Variants in RGS9 observed in about 807,000 individuals in gnomAD.
The protein encoded by RGS9 is regulator of G protein signaling 9.
RGS9 carries 78 observed loss-of-function variants against 102.0 expected under a neutral mutation model. The ratio of observed to expected loss-of-function variants is 0.76; its 90% CI spans 0.64 to 0.92. The LOEUF is 0.92. Ranked by LOEUF, RGS9 falls within the 40% of genes least tolerant of loss-of-function variation. RGS9 has a pLI of 0.00. For synonymous variants in RGS9, 353 were observed against 318.6 expected (o/e 1.11, Z -1.15); for missense variants, 833 against 866.1 (o/e 0.96, Z 0.48).
chr17:65,213,281 T>C (rs2144114417), intron 17 of RGS9, among the ~76,000 whole-genome samples: 1 of 152,308 alleles, frequency 6.6e-6, no homozygotes, highest in East Asian at 1.9e-4. Context: ...AAAATGTACA[T>C]GAATTTTTAA....
At chr17:65,166,684 G>A (rs1051366239) in intron 7 of RGS9, among the ~76,000 whole-genome samples, 4 of 152,188 alleles carry the variant, frequency 2.6e-5, no homozygotes, top group African/African-American at 7.2e-5. Flanking sequence ...GAGCAAAGCC[G>A]GAAAGGACCC....
intron 11 of RGS9, 59 bp downstream of exon 11, chr17:65,190,295 A>T: frequency 1.5e-6 from 2 of 1,319,632 alleles, no homozygotes; most frequent in Non-Finnish European, 2.2e-6. Context: ...CAAGAGGAGA[A>T]CTTCTGCAAA....
intron 1 of RGS9, among the ~76,000 whole-genome samples, chr17:65,147,054 C>A (rs953390319): frequency 1.3e-5 from 2 of 152,184 alleles, no homozygotes; most frequent in African/African-American, 4.8e-5. Flanking sequence ...CAGTGCCCCG[C>A]AAACACCCTC....
At chr17:65,143,149 T>G (rs1910221839) in intron 1 of RGS9, among the ~76,000 whole-genome samples, 1 of 152,014 alleles carries the variant, frequency 6.6e-6, no homozygotes, top group Admixed American at 6.6e-5. Context: ...TCTAAATACA[T>G]TTTAGGTTGT....
At chr17:65,137,983 G>A (rs1481448816) in intron 1 of RGS9, among the ~76,000 whole-genome samples, 3 of 152,002 alleles carry the variant, frequency 2.0e-5, no homozygotes, top group African/African-American at 7.2e-5. Context: ...ATTTTAAAGT[G>A]TGTGTGTGTG....
chr17:65,167,548 A>G (rs887181789), intron 7 of RGS9, among the ~76,000 whole-genome samples: 1 of 152,146 alleles, frequency 6.6e-6, no homozygotes, highest in Non-Finnish European at 1.5e-5. Context: ...AAAAGCCCCG[A>G]CGTGGCATGA....
intron 17 of RGS9, chr17:65,210,810 A>C (rs1437156486): frequency 1.2e-6 from 1 of 848,830 alleles, no homozygotes; most frequent in Non-Finnish European, 1.8e-6. Context: ...GGGACTTCCT[A>C]ATACCACAGC....
intron 8 of RGS9, among the ~76,000 whole-genome samples, chr17:65,176,964 C>T (rs1339431466): frequency 1.3e-5 from 2 of 150,550 alleles, no homozygotes; most frequent in Non-Finnish European, 3.0e-5. Flanking sequence ...ATCCATCCAT[C>T]CCTCCTTCCC....
chr17:65,201,484 C>T (rs185060005), intron 13 of RGS9, among the ~76,000 whole-genome samples: 104 of 152,326 alleles, frequency 6.8e-4, no homozygotes, highest in Middle Eastern at 3.4e-3. Flanking sequence ...AACTCACGCT[C>T]AGTCATTCAA....
rs1371224036 is a variant in RGS9, at chr17:65,188,547, C to T, written c.655-739C>T. ...ATCTCACCATTGCTTCAGAGCTCTCCCCTGTAACAAAAGAAACCAACACCC... is the reference window on the plus strand; with the variant it reads ...ATCTCACCATTGCTTCAGAGCTCTCTCCTGTAACAAAAGAAACCAACACCC... On this transcript the variant is annotated intron_variant, in intron 9 of 18. Coordinates refer to ENST00000262406, the MANE Select transcript of RGS9 (RefSeq NM_003835.4). 2.0e-5 allele frequency among the ~76,000 whole-genome samples: 3 copies of T among 152,124 alleles called. No individual in the cohort carries two copies. The South Asian group carries it at 6.2e-4, about 32-fold the overall frequency.
chr17:65,206,057 G>A (rs1913052325), intron 15 of RGS9, among the ~76,000 whole-genome samples: 1 of 152,078 alleles, frequency 6.6e-6, no homozygotes, highest in Admixed American at 6.5e-5. Flanking sequence ...TGTGATATAG[G>A]TTATGTGATA....
At chr17:65,156,996 C>T (rs953582141) in intron 2 of RGS9, among the ~76,000 whole-genome samples, 1 of 152,130 alleles carries the variant, frequency 6.6e-6, no homozygotes, top group Admixed American at 6.5e-5. Flanking sequence ...GGAAGAATTA[C>T]AGGTTGTCTA....
chr17:65,227,475 C>T lies in RGS9; in HGVS notation c.*68C>T. On this transcript the variant is annotated 3_prime_UTR_variant, in exon 19 of 19. Coordinates refer to ENST00000262406, the MANE Select transcript of RGS9 (RefSeq NM_003835.4). The stretch of plus-strand genomic sequence containing the variant: ...GCTCTGACAGATGCCATGGTATGGG[C>T]CACAGGACACACTTGCTCGAGAACC... 2.6e-6 allele frequency: 4 copies of T among 1,556,434 alleles called. No homozygotes were observed. Among genetic ancestry groups the T allele is most frequent in the East Asian group, 4.8e-5 (2 of 41,928 alleles).
At chr17:65,145,567 T>TTA (rs1555610746) in intron 1 of RGS9, among the ~76,000 whole-genome samples, 1,554 of 107,470 alleles carry the variant, frequency 0.014, 30 homozygotes, top group Non-Finnish European at 0.022. Flanking sequence ...TTTTTTTTAA[T>TTA]ATATTTTTAA....
chr17:65,159,233 A>C (rs1336360625), intron 3 of RGS9, among the ~76,000 whole-genome samples: 1 of 146,266 alleles, frequency 6.8e-6, no homozygotes, highest in African/African-American at 2.5e-5. Context: ...CCCCACCCCT[A>C]TCTCCCTTCG....
intron 13 of RGS9, among the ~76,000 whole-genome samples, chr17:65,199,488 CTTTTT>C (rs3034101): frequency 0.037 from 4,009 of 108,452 alleles, 131 homozygotes; most frequent in African/African-American, 0.14. Flanking sequence ...GCTTCTGTTC[CTTTTT>C]TTTTTTTTTT....
rs1218567206 is a variant in RGS9 at position 65,160,304 on chromosome 17, A to G, written c.277A>G (p.Ile93Val). 1 of 1,609,814 alleles carries G rather than the reference A, an allele frequency of 6.2e-7. No homozygotes were observed. Among genetic ancestry groups the G allele is most frequent in the Non-Finnish European group, 8.5e-7 (1 of 1,176,064 alleles). The part of the protein sequence containing the change: ...IYPLQDPKNL[I>V]LKPDGSLYRF... Reference sequence around the variant, plus strand: ...CCCCCTGCAAGACCCCAAGAATCTCATTCTCAAGCCTGATGGCAGCCTCTA... The same window carrying G: ...CCCCCTGCAAGACCCCAAGAATCTCGTTCTCAAGCCTGATGGCAGCCTCTA... Residue 93 changes from isoleucine to valine, a missense_variant, in exon 4 of 19, where the codon ATT becomes GTT. Ile to Val is a conservative substitution (Grantham distance 29, BLOSUM62 3). This residue lies in a region of RGS9 where 328 missense variants were observed against 340.6 expected (regional missense o/e 0.96). Coordinates refer to ENST00000262406, the MANE Select transcript of RGS9 (RefSeq NM_003835.4).
intron 17 of RGS9, among the ~76,000 whole-genome samples, chr17:65,224,458 G>T (rs898666445): frequency 1.1e-4 from 16 of 152,226 alleles, no homozygotes; most frequent in African/African-American, 3.4e-4. Flanking sequence ...ACCCCAAAAG[G>T]GTGGTCACTG....
chr17:65,180,483 G>A (rs901807514), intron 9 of RGS9, among the ~76,000 whole-genome samples: 2 of 151,968 alleles, frequency 1.3e-5, no homozygotes, highest in East Asian at 1.9e-4. Flanking sequence ...GAGTAGCCGC[G>A]ATTACAGGTG....
Sources: gnomAD v4.1 joint callset for allele counts (sites outside exome capture counted in the v4.1 genomes callset) on GRCh38, gnomAD v4.1.1 for gene constraint, gnomAD v4.1.1 regional missense constraint, MANE v1.5 for transcripts, NCBI Gene and HGNC (gene_info 2026-07-23, HGNC 2026-07-21) for gene names.